The following TSC22D1 variants were observed in gnomAD, a reference collection of about 807,000 sequenced individuals.
TSC22D1 encodes TSC22 domain family protein 1.
A neutral mutation model predicts 74.2 loss-of-function variants in TSC22D1; 9 were observed. The observed-to-expected ratio is 0.12, with a 90% CI of 0.07 to 0.21. The LOEUF is 0.21. Ranked by LOEUF, TSC22D1 falls within the 10% of genes least tolerant of loss-of-function variation. The probability of loss-of-function intolerance (pLI) is 1.00; values close to 1 mark genes in which losing one functional copy is unlikely to be tolerated. For missense variants in TSC22D1, 1,427 were observed against 1,304.7 expected, an observed-to-expected ratio of 1.09 and a Z score of -1.44; for synonymous variants, 586 against 492.5, an observed-to-expected ratio of 1.19 and a Z score of -2.51.
chr13:44,510,661 C>T (rs1383715168), intron 1 of TSC22D1, among the ~76,000 whole-genome samples: 2 of 152,068 alleles, frequency 1.3e-5, no homozygotes, highest in Admixed American at 1.3e-4. Context: ...GGCATGATCT[C>T]GGCTCACTAC....
rs781265296 is a variant in TSC22D1 at position 44,574,068 on chromosome 13, G to A, written c.2007C>T (p.Ser669=). The A allele has an allele frequency of 1.7e-5, 28 of 1,614,112 alleles. No individual in the cohort carries two copies. Among genetic ancestry groups the A allele is most frequent in the Admixed American group, 1.7e-4 (10 of 60,012 alleles). Residue 669 remains serine, a synonymous_variant, in exon 1 of 3, where the codon TCC becomes TCT. Transcript: ENST00000458659. ...CTACTCCTGCAGAACTGGGCTGTCC[G>A]GAGGACATTGCTGTTTGAAGAATTG... is the stretch of plus-strand genomic sequence containing the variant. ...QQPILQTAMS[S]GQPSSAGVGA... is the part of the protein sequence containing the mutation.
intron 1 of TSC22D1, among the ~76,000 whole-genome samples, chr13:44,507,325 G>A (rs1879490253): frequency 6.6e-6 from 1 of 152,136 alleles, no homozygotes; most frequent in Non-Finnish European, 1.5e-5. Flanking sequence ...TTCAAAATGA[G>A]GAAGGCTCAA....
At position 44,575,247 on chromosome 13, in the gene TSC22D1, T is replaced by C. The variant is rs551793177; in HGVS notation, c.828A>G (p.Pro276=). 6.2e-7 allele frequency: 1 copy of C among 1,614,120 alleles called. No homozygotes were observed. Among genetic ancestry groups the C allele is most frequent in the East Asian group, 2.2e-5 (1 of 44,896 alleles). ...AACCACTGGATGATACAGCAGAAGT[T>C]GGTGCAACTGGTGTGATACTGTCAG... The part of the protein sequence containing the change: ...GSSDSITPVA[P]TSAVSSSGSP... Residue 276 remains proline, a synonymous_variant, in exon 1 of 3, where the codon CCA becomes CCG. Transcript: ENST00000458659.
rs1017786041 is a variant in TSC22D1 at position 44,446,814 on chromosome 13, AGAG to A, written c.2913-10722_2913-10720del. Among the ~76,000 whole-genome samples the A allele has an allele frequency of 4.1e-4, 60 of 146,636 alleles. No homozygotes were observed. The East Asian group carries it at 0.011, about 27-fold the overall frequency. ...AGGAGGAGGAGGAAAAGGAGGAGGA[AGAG>A]GAGGAGGAAGAAGAGGAGGAGGAAG... On this transcript the variant is annotated intron_variant, in intron 1 of 2. Transcript: ENST00000458659.
chr13:44,535,349 A>C (rs1881079100), intron 1 of TSC22D1, among the ~76,000 whole-genome samples: 1 of 152,104 alleles, frequency 6.6e-6, no homozygotes, highest in South Asian at 2.1e-4. Context: ...ATATTAGTGG[A>C]AAAAACACTC....
chr13:44,469,994 C>G (rs1877509134), intron 1 of TSC22D1, among the ~76,000 whole-genome samples: 1 of 152,078 alleles, frequency 6.6e-6, no homozygotes, highest in South Asian at 2.1e-4. Context: ...CATGCAAAAT[C>G]CATATGAGTA....
At chr13:44,494,781 G>C (rs1878889347) in intron 1 of TSC22D1, among the ~76,000 whole-genome samples, 1 of 152,130 alleles carries the variant, frequency 6.6e-6, no homozygotes, top group Admixed American at 6.6e-5. Flanking sequence ...CCTGACATTG[G>C]ACTTACTAGA....
intron 1 of TSC22D1, among the ~76,000 whole-genome samples, chr13:44,552,704 G>A (rs915091049): frequency 2.6e-5 from 4 of 152,132 alleles, no homozygotes; most frequent in African/African-American, 9.7e-5. Context: ...AAATAAGGTG[G>A]TAGGCCGGGC....
At chr13:44,473,660 T>G (rs1877735166) in intron 1 of TSC22D1, among the ~76,000 whole-genome samples, 1 of 152,078 alleles carries the variant, frequency 6.6e-6, no homozygotes, top group African/African-American at 2.4e-5. Context: ...ATTTTTAAAT[T>G]AAGCTAGTCA....
chr13:44,574,410 G>T lies in TSC22D1; in HGVS notation c.1665C>A (p.Ser555Arg), dbSNP rs146993055. 6.2e-7 allele frequency: 1 copy of T among 1,614,122 alleles called. No individual in the cohort carries two copies. Among genetic ancestry groups the T allele is most frequent in the African/African-American group, 1.3e-5 (1 of 74,932 alleles). The change falls in exon 1 of 3, where the codon AGC becomes AGA. Residue 555 changes from serine to arginine, a missense_variant. Ser to Arg is a moderately radical substitution (Grantham distance 110). Transcript: ENST00000458659. Reference sequence around the variant, plus strand: ...GCTGAAGACCTTGCTTTTGCTGATAGCTCAGTTCTTGAGACTGTAATTGTA... The same window carrying T: ...GCTGAAGACCTTGCTTTTGCTGATATCTCAGTTCTTGAGACTGTAATTGTA... Reference protein sequence around the residue: ...SQVQLQSQELSYQQKQGLQPV... With the variant: ...SQVQLQSQELRYQQKQGLQPV...
intron 1 of TSC22D1, among the ~76,000 whole-genome samples, chr13:44,498,110 AAT>A (rs905658489): frequency 4.6e-5 from 7 of 152,052 alleles, no homozygotes; most frequent in Middle Eastern, 3.4e-3. Context: ...CAAAAAAAAA[AAT>A]GTCTCCACAA....
chr13:44,509,909 A>C (rs537009414), intron 1 of TSC22D1, among the ~76,000 whole-genome samples: 1 of 149,618 alleles, frequency 6.7e-6, no homozygotes, highest in African/African-American at 2.5e-5. Flanking sequence ...TTACATTATT[A>C]AAACAAGATA....
At chr13:44,460,583 T>TA (rs1390846233) in intron 1 of TSC22D1, among the ~76,000 whole-genome samples, 10 of 152,222 alleles carry the variant, frequency 6.6e-5, no homozygotes, top group Admixed American at 1.3e-4. Flanking sequence ...TAAACTGTGT[T>TA]AGAGTCCTTG....
chr13:44,495,921 AC>A (rs1228800869), intron 1 of TSC22D1, among the ~76,000 whole-genome samples: 1 of 152,244 alleles, frequency 6.6e-6, no homozygotes, highest in African/African-American at 2.4e-5. Context: ...TATATTCATA[AC>A]CTTGGACTTG....
chr13:44,539,537 G>A lies in TSC22D1; in HGVS notation c.2912+33626C>T, dbSNP rs891463997. The A allele has an allele frequency of 5.7e-5, 56 of 985,268 alleles. 1 individual carries two copies. The highest frequency in any genetic ancestry group is 3.5e-4 in the African/African-American group (20 of 57,228). 61.0% of individuals were successfully genotyped at this position (985,268 alleles called of 1,614,324 possible). On this transcript the variant is annotated intron_variant, in intron 1 of 2. Transcript: ENST00000458659. ...ATTCCTGTGGACTACATAGGCATTC[G>A]TCAAATCATGTGCCCCAAATCATCC...
intron 1 of TSC22D1, among the ~76,000 whole-genome samples, chr13:44,497,774 C>G (rs1287992428): frequency 6.6e-6 from 1 of 152,180 alleles, no homozygotes; most frequent in African/African-American, 2.4e-5. Context: ...CTAATTACAA[C>G]AGTTTCATAG....
chr13:44,447,705 T>C (rs1218905481), intron 1 of TSC22D1, among the ~76,000 whole-genome samples: 2 of 152,066 alleles, frequency 1.3e-5, no homozygotes, highest in Admixed American at 1.3e-4. Context: ...TAAACATTTA[T>C]AATTACTTTT....
At chr13:44,444,334 A>T (rs933955921) in intron 1 of TSC22D1, among the ~76,000 whole-genome samples, 2 of 149,756 alleles carry the variant, frequency 1.3e-5, no homozygotes, top group African/African-American at 4.9e-5. Flanking sequence ...AGAAAAAAAA[A>T]CAATAATGAC....
At chr13:44,572,638 T>C (rs563652870) in intron 1 of TSC22D1, among the ~76,000 whole-genome samples, 4 of 152,336 alleles carry the variant, frequency 2.6e-5, no homozygotes, top group African/African-American at 7.2e-5. Flanking sequence ...AGTTGGAGTA[T>C]GAGGGCAACC....
Sources: allele counts gnomAD v4.1 joint callset (sites outside exome capture counted in the v4.1 genomes callset), GRCh38; gene constraint gnomAD v4.1.1; transcripts MANE v1.5; gene names NCBI Gene and HGNC (gene_info 2026-07-23, HGNC 2026-07-21).